The following ZNF501 variants were observed in gnomAD, a reference collection of about 807,000 sequenced individuals.
The protein encoded by ZNF501 is zinc finger protein 52.
A neutral mutation model predicts 5.7 loss-of-function variants in ZNF501; 7 were observed. The observed-to-expected ratio is 1.24, with a 90% CI of 0.70 to 2.32. The LOEUF is 2.32. ZNF501 is among the 30% of genes most tolerant of loss of function. The pLI, the probability that ZNF501 is intolerant of heterozygous loss-of-function variation, is 0.00. For missense variants in ZNF501, 352 were observed against 321.1 expected, an observed-to-expected ratio of 1.10 and a Z score of -0.73; for synonymous variants, 107 against 101.9, an observed-to-expected ratio of 1.05 and a Z score of -0.30.
rs571829322 is a variant in ZNF501 at position 44,736,609 on chromosome 3, C to A, written c.*1372C>A. The A allele has an allele frequency of 6.0e-6, 1 of 166,998 alleles. No homozygotes were observed. Among genetic ancestry groups the A allele is most frequent in the Non-Finnish European group, 1.5e-5 (1 of 68,136 alleles). 10.3% of individuals were successfully genotyped at this position (166,998 alleles called of 1,614,324 possible). A position where few individuals can be genotyped will look rare whatever the true frequency, so the allele number is the denominator to read the frequency against. ...GTCGAACTCCTGACCTCAAGTGATC[C>A]GCCTGCCTCAGCCTCCCAAAGTGCT... On this transcript the variant is annotated 3_prime_UTR_variant, in exon 3 of 3. Transcript: ENST00000620116.
chr3:44,729,655 A>C lies in ZNF501; in HGVS notation c.-671A>C, dbSNP rs968810886. 1.3e-5 allele frequency: 2 copies of C among 152,368 alleles called. No homozygotes were observed. The highest frequency in any genetic ancestry group is 3.9e-4 in the East Asian group (2 of 5,186). 9.4% of individuals were successfully genotyped at this position (152,368 alleles called of 1,614,324 possible). ...GACTTACTCCTTTCCGCAGGGCAGC[A>C]CCCAGGGACCTGAGTGTTGCAAGGT... is the stretch of plus-strand genomic sequence containing the variant. On this transcript the variant is annotated 5_prime_UTR_variant, in exon 1 of 3. Coordinates refer to ENST00000620116, the MANE Select transcript of ZNF501 (RefSeq NM_001258280.2).
At position 44,736,800 on chromosome 3, in the gene ZNF501, T is replaced by C. The variant is rs1010119231; in HGVS notation, c.*1563T>C. 2 of 167,004 alleles carry C rather than the reference T, an allele frequency of 1.2e-5. No individual in the cohort carries two copies. Among genetic ancestry groups the C allele is most frequent in the African/African-American group, 4.8e-5 (2 of 41,448 alleles). 10.3% of individuals were successfully genotyped at this position (167,004 alleles called of 1,614,324 possible). On this transcript the variant is annotated 3_prime_UTR_variant, in exon 3 of 3. Coordinates refer to ENST00000620116, the MANE Select transcript of ZNF501 (RefSeq NM_001258280.2). ...CTTTGGTGAGGTATCTGTTAGAGGTTTTGCCCATTTTTAATTGGATTGCTC... is the reference window on the plus strand; with the variant it reads ...CTTTGGTGAGGTATCTGTTAGAGGTCTTGCCCATTTTTAATTGGATTGCTC...
At position 44,734,698 on chromosome 3, in the gene ZNF501, CT is replaced by C; in HGVS notation, c.279del (p.Val94PhefsTer4). 1 of 1,614,122 alleles carries C rather than the reference CT, an allele frequency of 6.2e-7. No individual in the cohort carries two copies. Among genetic ancestry groups the C allele is most frequent in the African/African-American group, 1.3e-5 (1 of 75,048 alleles). On this transcript the variant is annotated frameshift_variant, in exon 3 of 3. Transcript: ENST00000620116. LOFTEE classifies it high-confidence loss of function. ...GAAAGCCTTTCAAACAAAAGCAATT[CT>C]TGTTCAGCATCTGAGAATTCATACT... ...CEKAFQTKAI[L>X]VQHLRIHTGE...
intron 1 of ZNF501, among the ~76,000 whole-genome samples, chr3:44,730,552 A>G (rs1226204776): frequency 6.6e-6 from 1 of 152,234 alleles, no homozygotes; most frequent in Non-Finnish European, 1.5e-5. Context: ...GAAAATAATT[A>G]AACAGTTTGT....
In ZNF501 at chr3:44,735,899, G is replaced by A. The variant is rs1452328921; in HGVS notation, c.*662G>A. ...TCTAAGTTTCACTTTTCCATTAAAC[G>A]GAAAGCCTCCCTGACATTAACTGAA... On this transcript the variant is annotated 3_prime_UTR_variant, in exon 3 of 3. Transcript: ENST00000620116. 2 of 166,980 alleles carry A rather than the reference G, an allele frequency of 1.2e-5. No individual in the cohort carries two copies. The highest frequency in any genetic ancestry group is 1.5e-5 in the Non-Finnish European group (1 of 68,094). The allele number at this position is 166,980 out of a possible 1,614,324, so 10.3% of individuals were successfully genotyped here.
At position 44,734,983 on chromosome 3, in the gene ZNF501, A is replaced by G. The variant is rs781351187; in HGVS notation, c.562A>G (p.Lys188Glu). 25 of 1,614,058 alleles carry G rather than the reference A, an allele frequency of 1.5e-5. No homozygotes were observed. The Admixed American group carries it at 4.2e-4, about 27-fold the overall frequency. Reference sequence around the variant, plus strand: ...GCATCAGAGAATTCATTCAGGAGAGAAGCCCTACACATGCACTGAATGTGG... The same window carrying G: ...GCATCAGAGAATTCATTCAGGAGAGGAGCCCTACACATGCACTGAATGTGG... Reference protein sequence around the residue: ...MQHQRIHSGEKPYTCTECGKA... With the variant: ...MQHQRIHSGEEPYTCTECGKA... The change falls in exon 3 of 3, where the codon AAG (lysine) becomes GAG (glutamate). Residue 188 changes from lysine (K) to glutamate (E), a missense_variant. Physicochemically the swap from Lys to Glu is moderately conservative, Grantham distance 56. Transcript: ENST00000620116.
chr3:44,734,515 A>C lies in ZNF501; in HGVS notation c.94A>C (p.Thr32Pro). The change falls in exon 3 of 3, where the codon ACT becomes CCT. Residue 32 changes from threonine to proline, a missense_variant. Coordinates refer to ENST00000620116, the MANE Select transcript of ZNF501 (RefSeq NM_001258280.2). ...SKCSECGKFF[T>P]QRSSLTQHQR... The stretch of plus-strand genomic sequence containing the variant: ...GTGTAGTGAATGTGGGAAGTTCTTT[A>C]CTCAGAGATCATCTCTTACCCAGCA... The C allele has an allele frequency of 6.2e-7, 1 of 1,614,180 alleles. No individual in the cohort carries two copies. The highest frequency in any genetic ancestry group is 8.5e-7 in the Non-Finnish European group (1 of 1,180,018).
chr3:44,730,969 A>G (rs1704606307), intron 1 of ZNF501, among the ~76,000 whole-genome samples: 1 of 152,234 alleles, frequency 6.6e-6, no homozygotes. Context: ...GAATGTTGAT[A>G]TTACAAGAAG....
In ZNF501 at chr3:44,731,294, G is replaced by T. The variant is rs146715527; in HGVS notation, c.-310-182G>T. ...TCTTTGTACATTGTCACATCTCTCT[G>T]AAGTCTGCCAACTCACTAATTTTTG... On this transcript the variant is annotated intron_variant, in intron 1 of 2. Transcript: ENST00000620116. Among the ~76,000 whole-genome samples, 416 of 152,328 alleles carry T rather than the reference G, an allele frequency of 2.7e-3. 4 individuals are homozygous for T. Among genetic ancestry groups the T allele is most frequent in the African/African-American group, 8.9e-3 (370 of 41,572 alleles).
At chr3:44,731,798 C>T (rs1166678705) in intron 2 of ZNF501, 1 of 152,212 alleles carries the variant, frequency 6.6e-6, no homozygotes, top group East Asian at 1.9e-4. Context: ...AAGTTCTTAT[C>T]AGAGTACCTG....
At chr3:44,731,998 A>G (rs1704622776) in intron 2 of ZNF501, 3 of 152,248 alleles carry the variant, frequency 2.0e-5, no homozygotes, top group Admixed American at 1.3e-4. Flanking sequence ...GTTTAGAACA[A>G]GAGCTTAAGT....
chr3:44,733,670 T>C (rs1395267078), intron 2 of ZNF501, among the ~76,000 whole-genome samples: 1 of 152,202 alleles, frequency 6.6e-6, no homozygotes, highest in African/African-American at 2.4e-5. Context: ...CTTCTCTAAT[T>C]TTCCTGAAAC....
rs571677368 is a variant in ZNF501 at position 44,735,488 on chromosome 3, G to C, written c.*251G>C. The C allele has an allele frequency of 5.9e-6, 2 of 337,150 alleles. No homozygotes were observed. The highest frequency in any genetic ancestry group is 2.2e-4 in the South Asian group (2 of 8,932). The allele number at this position is 337,150 out of a possible 1,614,324, so 20.9% of individuals were successfully genotyped here. A position where few individuals can be genotyped will look rare whatever the true frequency, so the allele number is the denominator to read the frequency against. On this transcript the variant is annotated 3_prime_UTR_variant, in exon 3 of 3. Coordinates refer to ENST00000620116, the MANE Select transcript of ZNF501 (RefSeq NM_001258280.2). Reference sequence around the variant, plus strand: ...TAGAAAAATGGGGATATTTCCTAGGGTTGTCCTGAGAATAAAATGAGTTCT... The same window carrying C: ...TAGAAAAATGGGGATATTTCCTAGGCTTGTCCTGAGAATAAAATGAGTTCT...
intron 2 of ZNF501, chr3:44,732,133 T>C (rs747075770): frequency 2.6e-5 from 4 of 152,236 alleles, no homozygotes; most frequent in Admixed American, 6.5e-5. Context: ...GAAGAGAATA[T>C]GACTGTGTCC....
At chr3:44,732,180 A>G (rs1704624973) in intron 2 of ZNF501, 1 of 152,220 alleles carries the variant, frequency 6.6e-6, no homozygotes, top group Admixed American at 6.5e-5. Flanking sequence ...TATGCATAAT[A>G]TATGTACACT....
In ZNF501 at chr3:44,734,988, C is replaced by T. The variant is rs1704672839; in HGVS notation, c.567C>T (p.Pro189=). ...QHQRIHSGEK[P]YTCTECGKAF... ...AGAGAATTCATTCAGGAGAGAAGCC[C>T]TACACATGCACTGAATGTGGTAAAG... The change falls in exon 3 of 3, where the codon CCC becomes CCT. Residue 189 remains proline (P), a synonymous_variant. Transcript: ENST00000620116. The T allele has an allele frequency of 1.2e-6, 2 of 1,614,038 alleles. No homozygotes were observed. The highest frequency in any genetic ancestry group is 2.7e-5 in the African/African-American group (2 of 74,930).
chr3:44,733,420 C>T (rs1375324781), intron 2 of ZNF501, among the ~76,000 whole-genome samples: 1 of 152,218 alleles, frequency 6.6e-6, no homozygotes, highest in Non-Finnish European at 1.5e-5. Context: ...GCTCTAATGA[C>T]AGTGATTTGG....
In ZNF501 at chr3:44,736,995, C is replaced by A. The variant is rs1198607272; in HGVS notation, c.*1758C>A. 1 of 166,380 alleles carries A rather than the reference C, an allele frequency of 6.0e-6. No individual in the cohort carries two copies. Among genetic ancestry groups the A allele is most frequent in the East Asian group, 1.9e-4 (1 of 5,176 alleles). The allele number at this position is 166,380 out of a possible 1,614,324, so 10.3% of individuals were successfully genotyped here. A position where few individuals can be genotyped will look rare whatever the true frequency, so the allele number is the denominator to read the frequency against. Reference sequence around the variant, plus strand: ...TTTTCTTTTTTTAAAGAAATGGTAGCATAATATACACAGTTGTCCATTTTT... The same window carrying A: ...TTTTCTTTTTTTAAAGAAATGGTAGAATAATATACACAGTTGTCCATTTTT... On this transcript the variant is annotated 3_prime_UTR_variant, in exon 3 of 3. Transcript: ENST00000620116.
intron 1 of ZNF501, among the ~76,000 whole-genome samples, chr3:44,731,159 T>C (rs1704609620): frequency 6.6e-6 from 1 of 152,174 alleles, no homozygotes; most frequent in African/African-American, 2.4e-5. Flanking sequence ...CATTTGACTT[T>C]TGAAATCAAT....
Sources: allele counts gnomAD v4.1 joint callset (sites outside exome capture counted in the v4.1 genomes callset), GRCh38; gene constraint gnomAD v4.1.1; transcripts MANE v1.5; gene names NCBI Gene and HGNC (gene_info 2026-07-23, HGNC 2026-07-21).